Variants in PLS1 observed in about 807,000 individuals in gnomAD.
The protein encoded by PLS1 is plastin 1.
A neutral mutation model predicts 73.7 loss-of-function variants in PLS1; 32 were observed. The ratio of observed to expected loss-of-function variants is 0.43; its 90% CI spans 0.33 to 0.58. The LOEUF (loss-of-function observed/expected upper bound fraction) is 0.58. Among genes scored for constraint, PLS1 ranks in the 20% least tolerant of loss-of-function variants. PLS1 has a pLI of 0.04. For synonymous variants in PLS1, 217 were observed against 261.3 expected (o/e 0.83, Z 1.63); for missense variants, 633 against 740.5 (o/e 0.85, Z 1.68).
At chr3:142,623,585 C>CA (rs902660309) in intron 1 of PLS1, 5 of 152,160 alleles carry the variant, frequency 3.3e-5, no homozygotes, top group Admixed American at 1.3e-4. Context: ...TTATCTCTGT[C>CA]AATAGCAGTA....
At chr3:142,710,166 T>C (rs1430189768) in intron 14 of PLS1, among the ~76,000 whole-genome samples, 1 of 149,568 alleles carries the variant, frequency 6.7e-6, no homozygotes, top group African/African-American at 2.5e-5. Context: ...CATTCAGGAC[T>C]CTTTTTTTTT....
At chr3:142,617,295 C>T (rs2108555799) in intron 1 of PLS1, among the ~76,000 whole-genome samples, 1 of 152,136 alleles carries the variant, frequency 6.6e-6, no homozygotes, top group East Asian at 1.9e-4. Context: ...AGCTTGTTTC[C>T]ATTAAATGTT....
chr3:142,703,036 T>G lies in PLS1; in HGVS notation c.1372-832T>G, dbSNP rs2038363416. Among the ~76,000 whole-genome samples the G allele has an allele frequency of 2.6e-5, 4 of 152,230 alleles. No homozygotes were observed. In the South Asian group the frequency reaches 8.3e-4, roughly 31 times the overall value. ...AAGCAAAGGATAGATCATTATTAGC[T>G]GGTACAGTTAAGGTTAAGCCTTTAT... On this transcript the variant is annotated intron_variant, in intron 12 of 15. Coordinates refer to ENST00000457734, the MANE Select transcript of PLS1 (RefSeq NM_001145319.2).
intron 5 of PLS1, 26 bp from the exon 6 acceptor site, chr3:142,678,006 C>T (rs766504096): frequency 3.3e-6 from 4 of 1,215,992 alleles, no homozygotes; most frequent in East Asian, 2.6e-5. Flanking sequence ...GAGTATTAAA[C>T]TAAATTATTC....
chr3:142,704,084 A>G, intron 13 of PLS1, 83 bp downstream of exon 13: 1 of 1,129,010 alleles, frequency 8.9e-7, no homozygotes, highest in Non-Finnish European at 1.3e-6. Context: ...TTTTTGAACA[A>G]TAATGAACAC....
chr3:142,618,962 G>A (rs2883547), intron 1 of PLS1, among the ~76,000 whole-genome samples: 58,585 of 151,902 alleles, frequency 0.39, 11,403 homozygotes, highest in Middle Eastern at 0.47. Context: ...TGGGGGACAG[G>A]GTATTATCCT....
intron 13 of PLS1, 38 bp from the exon 14 acceptor site, chr3:142,704,425 C>A: frequency 1.3e-6 from 2 of 1,544,628 alleles, no homozygotes; most frequent in Non-Finnish European, 1.8e-6. Flanking sequence ...GCAAATTTCA[C>A]CCTTTTCAGT....
intron 1 of PLS1, among the ~76,000 whole-genome samples, chr3:142,604,021 C>A (rs1262919457): frequency 6.6e-6 from 1 of 152,068 alleles, no homozygotes; most frequent in Non-Finnish European, 1.5e-5. Flanking sequence ...TATTGAGGAA[C>A]ACAATACATT....
intron 1 of PLS1, among the ~76,000 whole-genome samples, chr3:142,641,443 TA>T (rs2108613848): frequency 6.6e-6 from 1 of 151,332 alleles, no homozygotes; most frequent in Admixed American, 6.6e-5. Flanking sequence ...TGTATGAATA[TA>T]TATATCCTGT....
At position 142,708,686 on chromosome 3, in the gene PLS1, G is replaced by A. The variant is rs532573367; in HGVS notation, c.1630-2815G>A. Among the ~76,000 whole-genome samples the A allele has an allele frequency of 3.9e-5, 6 of 152,096 alleles. No homozygotes were observed. The South Asian group carries it at 6.2e-4, about 16-fold the overall frequency. On this transcript the variant is annotated intron_variant, in intron 14 of 15. Coordinates refer to ENST00000457734, the MANE Select transcript of PLS1 (RefSeq NM_001145319.2). Reference sequence around the variant, plus strand: ...TTAAGATATTGAAATTCTTTTTGCCGAAGTCATTTCTTTATGATTAACTTA... The same window carrying A: ...TTAAGATATTGAAATTCTTTTTGCCAAAGTCATTTCTTTATGATTAACTTA...
chr3:142,692,559 TA>T (rs1169234544), intron 10 of PLS1, among the ~76,000 whole-genome samples: 2 of 152,158 alleles, frequency 1.3e-5, no homozygotes, highest in African/African-American at 4.8e-5. Context: ...TGCTCATTTA[TA>T]AAATCTATTT....
chr3:142,665,593 A>G (rs1577861842), intron 2 of PLS1, among the ~76,000 whole-genome samples: 1 of 152,336 alleles, frequency 6.6e-6, no homozygotes, highest in Non-Finnish European at 1.5e-5. Context: ...ATAAAAATGT[A>G]TCTCGTAGTT....
chr3:142,692,519 G>A (rs2038106897), intron 10 of PLS1, among the ~76,000 whole-genome samples: 1 of 152,022 alleles, frequency 6.6e-6, no homozygotes, highest in African/African-American at 2.4e-5. Flanking sequence ...TATTTACCAA[G>A]ACACTTTGAA....
chr3:142,631,521 C>T (rs550120277), intron 1 of PLS1, among the ~76,000 whole-genome samples: 15 of 150,726 alleles, frequency 1.0e-4, no homozygotes, highest in African/African-American at 3.4e-4. Flanking sequence ...CCAAAGCTGG[C>T]GTGGTGGTGT....
chr3:142,683,971 C>A, intron 6 of PLS1, 35 bp from the exon 7 acceptor site: 3 of 1,531,648 alleles, frequency 2.0e-6, no homozygotes, highest in African/African-American at 1.4e-5. Context: ...TTAGAAAGGA[C>A]TTCCTCATGT....
intron 14 of PLS1, 21 bp downstream of exon 14, chr3:142,704,607 A>C (rs749679853): frequency 2.8e-6 from 4 of 1,423,646 alleles, no homozygotes; most frequent in Non-Finnish European, 3.8e-6. Flanking sequence ...GTCCTAAAAA[A>C]AATTTTTTTT....
At chr3:142,665,920 T>A (rs909907892) in intron 2 of PLS1, among the ~76,000 whole-genome samples, 5 of 152,078 alleles carry the variant, frequency 3.3e-5, no homozygotes, top group Non-Finnish European at 5.9e-5. Flanking sequence ...ATGGAACAAT[T>A]TTGAGAGCAA....
At chr3:142,673,050 C>T (rs1202186227) in intron 4 of PLS1, among the ~76,000 whole-genome samples, 1 of 152,160 alleles carries the variant, frequency 6.6e-6, no homozygotes, top group Non-Finnish European at 1.5e-5. Context: ...GGCTTCTTCA[C>T]TGGTGTAATA....
At chr3:142,694,426 C>G in intron 10 of PLS1, 43 bp from the exon 11 acceptor site, 1 of 1,225,988 alleles carries the variant, frequency 8.2e-7, no homozygotes, top group South Asian at 1.3e-5. Flanking sequence ...GTTCCTGGTT[C>G]CTTTTGTCCT....
Sources: allele counts gnomAD v4.1 joint callset (sites outside exome capture counted in the v4.1 genomes callset), GRCh38; gene constraint gnomAD v4.1.1; transcripts MANE v1.5; gene names NCBI Gene and HGNC (gene_info 2026-07-23, HGNC 2026-07-21).